DCDC2C: variants seen among roughly 807,000 people sequenced by gnomAD.
DCDC2C encodes doublecortin domain-containing protein 2C.
DCDC2C carries 44 observed loss-of-function variants against 45.0 expected under a neutral mutation model. The observed-to-expected ratio is 0.98, with a 90% CI of 0.77 to 1.26. The LOEUF is 1.26. DCDC2C is among the 50% of genes most tolerant of loss of function. DCDC2C has a pLI of 0.00. For missense variants in DCDC2C, 447 were observed against 468.9 expected (o/e 0.95, Z 0.43); for synonymous variants, 187 against 178.8 (o/e 1.05, Z -0.37).
intron 3 of DCDC2C, among the ~76,000 whole-genome samples, chr2:3,736,760 G>A (rs1425725486): frequency 6.6e-6 from 1 of 152,180 alleles, no homozygotes; most frequent in East Asian, 1.9e-4. Flanking sequence ...GAATTCTGCA[G>A]TTCTCAACGA....
chr2:3,769,688 T>C (rs1174070027), intron 8 of DCDC2C, among the ~76,000 whole-genome samples: 2 of 152,208 alleles, frequency 1.3e-5, no homozygotes, highest in Admixed American at 1.3e-4. Flanking sequence ...ATTGTGTCTG[T>C]CCCCTCACTA....
At chr2:3,803,026 G>C (rs538682808) in intron 10 of DCDC2C, among the ~76,000 whole-genome samples, 1 of 152,264 alleles carries the variant, frequency 6.6e-6, no homozygotes, top group South Asian at 2.1e-4. Flanking sequence ...ACCTAAAATA[G>C]TTATTGTCAT....
At chr2:3,807,012 G>T (rs1489207225) in intron 10 of DCDC2C, among the ~76,000 whole-genome samples, 1 of 152,078 alleles carries the variant, frequency 6.6e-6, no homozygotes, top group Non-Finnish European at 1.5e-5. Context: ...GGCTCTGCTT[G>T]CCCCAGCCAG....
chr2:3,799,002 G>C (rs1449111164), intron 10 of DCDC2C, among the ~76,000 whole-genome samples: 1 of 152,194 alleles, frequency 6.6e-6, no homozygotes, highest in African/African-American at 2.4e-5. Context: ...TCACTTTCAG[G>C]TATACCAATC....
chr2:3,836,801 G>T (rs551201141), intron 10 of DCDC2C, among the ~76,000 whole-genome samples: 1 of 149,510 alleles, frequency 6.7e-6, no homozygotes, highest in Non-Finnish European at 1.5e-5. Flanking sequence ...GGCGGAGCTT[G>T]CAGTGAGCCG....
chr2:3,811,908 C>G (rs1050662448), intron 10 of DCDC2C, among the ~76,000 whole-genome samples: 10 of 152,182 alleles, frequency 6.6e-5, no homozygotes, highest in Non-Finnish European at 1.5e-4. Flanking sequence ...GTTGAACCAG[C>G]CTTGCATCGC....
chr2:3,710,822 G>A (rs371538825), intron 2 of DCDC2C, among the ~76,000 whole-genome samples: 7 of 152,118 alleles, frequency 4.6e-5, no homozygotes, highest in East Asian at 1.9e-4. Context: ...AGTATTCCAC[G>A]GTGTATATGT....
At chr2:3,763,491 T>C (rs2148144788) in intron 6 of DCDC2C, among the ~76,000 whole-genome samples, 1 of 152,338 alleles carries the variant, frequency 6.6e-6, no homozygotes, top group African/African-American at 2.4e-5. Flanking sequence ...CCCTGGCTCA[T>C]ACCCAGGCTT....
intron 2 of DCDC2C, among the ~76,000 whole-genome samples, chr2:3,726,599 T>G (rs1349161738): frequency 1.3e-5 from 2 of 152,128 alleles, no homozygotes; most frequent in Non-Finnish European, 2.9e-5. Context: ...AAGTGACATG[T>G]CCATTCTTGG....
intron 10 of DCDC2C, among the ~76,000 whole-genome samples, chr2:3,836,850 AGAC>A (rs1672090269): frequency 8.1e-6 from 1 of 123,132 alleles, no homozygotes; most frequent in Non-Finnish European, 1.7e-5. Context: ...CGACAGAGCG[AGAC>A]TCCGTCTCAA....
At chr2:3,823,005 C>T (rs1671731730) in intron 10 of DCDC2C, among the ~76,000 whole-genome samples, 1 of 152,130 alleles carries the variant, frequency 6.6e-6, no homozygotes, top group Non-Finnish European at 1.5e-5. Flanking sequence ...CCTTGCCTTC[C>T]ACCATGATTG....
intron 3 of DCDC2C, among the ~76,000 whole-genome samples, chr2:3,727,491 C>G (rs1390253877): frequency 6.6e-6 from 1 of 152,070 alleles, no homozygotes; most frequent in Non-Finnish European, 1.5e-5. Flanking sequence ...AAAGCTGTTT[C>G]CCCCGCCCCT....
chr2:3,774,509 C>A (rs1241709553), intron 8 of DCDC2C, among the ~76,000 whole-genome samples: 4 of 152,208 alleles, frequency 2.6e-5, no homozygotes, highest in Non-Finnish European at 5.9e-5. Flanking sequence ...CTCAAGGTGG[C>A]AGTCTCTGCT....
chr2:3,746,552 G>A (rs1422556449), intron 4 of DCDC2C, among the ~76,000 whole-genome samples: 1 of 152,296 alleles, frequency 6.6e-6, no homozygotes, highest in South Asian at 2.1e-4. Context: ...TTTCTCTGAG[G>A]CTAAAGTGGA....
chr2:3,788,775 CGT>C (rs111829063), intron 10 of DCDC2C, among the ~76,000 whole-genome samples: 25,453 of 139,940 alleles, frequency 0.18, 2,349 homozygotes, highest in African/African-American at 0.22. Context: ...TCCTTTCTTC[CGT>C]TTCCCTTTCT....
At chr2:3,768,417 G>A (rs989912941) in intron 7 of DCDC2C, among the ~76,000 whole-genome samples, 6 of 152,172 alleles carry the variant, frequency 3.9e-5, no homozygotes, top group African/African-American at 1.2e-4. Context: ...TTCATGTCCC[G>A]TCTCATGTAT....
In DCDC2C at chr2:3,837,622, A is replaced by AGAC. The variant is rs1558249632; in HGVS notation, c.1066-9532_1066-9531insGAC. 1.3e-4 allele frequency among the ~76,000 whole-genome samples: 16 copies of AGAC among 124,574 alleles called. 7 individuals are homozygous for AGAC. Among genetic ancestry groups the AGAC allele is most frequent in the Non-Finnish European group, 2.4e-4 (13 of 53,986 alleles). 81.7% of individuals were successfully genotyped at this position (124,574 alleles called of 152,430 possible). A position where few individuals can be genotyped will look rare whatever the true frequency, so the allele number is the denominator to read the frequency against. On this transcript the variant is annotated intron_variant, in intron 10 of 10. Transcript: ENST00000399143. ...TCATCTAAAGGGGAAGAAACTGAGG[A>AGAC]AGAAATCAGCCTTTGGCTCCCCCTT... is the stretch of plus-strand genomic sequence containing the variant.
chr2:3,737,852 T>C lies in DCDC2C; in HGVS notation c.417-4068T>C, dbSNP rs191898817. ...TTTAAACAATCTGAAATATTTTCTA[T>C]TTAAAATGTTTAAAATGTTTTATTT... On this transcript the variant is annotated intron_variant, in intron 3 of 10. Coordinates refer to ENST00000399143, the MANE Select transcript of DCDC2C (RefSeq NM_001287444.2). Among the ~76,000 whole-genome samples the C allele has an allele frequency of 3.3e-4, 50 of 152,354 alleles. 1 individual carries two copies. The highest frequency in any genetic ancestry group is 9.4e-4 in the African/African-American group (39 of 41,580).
intron 10 of DCDC2C, among the ~76,000 whole-genome samples, chr2:3,842,933 GT>G (rs773210709): frequency 5.9e-5 from 9 of 152,232 alleles, no homozygotes; most frequent in East Asian, 3.9e-4. Flanking sequence ...GCCTGGCCCC[GT>G]TTAGCTGTTC....
Sources: allele counts gnomAD v4.1 joint callset (sites outside exome capture counted in the v4.1 genomes callset), GRCh38; gene constraint gnomAD v4.1.1; transcripts MANE v1.5; gene names NCBI Gene and HGNC (gene_info 2026-07-23, HGNC 2026-07-21).